Variants in CNTNAP2 observed in about 807,000 individuals in gnomAD.
CNTNAP2 encodes contactin associated protein 2.
Under a neutral mutation model 155.2 loss-of-function variants are expected in CNTNAP2, and 98 were observed. The ratio of observed to expected loss-of-function variants is 0.63; its 90% CI spans 0.54 to 0.75. The LOEUF (loss-of-function observed/expected upper bound fraction) is 0.75, where lower values mean the gene tolerates loss of function less well. CNTNAP2 is among the 30% of genes least tolerant of loss of function. The probability of loss-of-function intolerance (pLI) is 0.00; values close to 1 mark genes in which losing one functional copy is unlikely to be tolerated. For synonymous variants in CNTNAP2, 651 were observed against 631.2 expected (o/e 1.03, Z -0.47); for missense variants, 1,727 against 1,688.1 (o/e 1.02, Z -0.40).
Position 146,883,335 on chromosome 7 carries a change from C to T in CNTNAP2, c.402+43431C>T, listed in dbSNP as rs117317696. Among the ~76,000 whole-genome samples the T allele has an allele frequency of 1.4e-3, 212 of 152,230 alleles. 4 individuals are homozygous for T. In the East Asian group the frequency reaches 0.038, roughly 27 times the overall value. On this transcript the variant is annotated intron_variant, in intron 3 of 23. Transcript: ENST00000361727. ...ATTATATTTAAGCTCCTGGCACATA[C>T]TTCTGATAATTGCATTGCCTTTCTC...
At chr7:146,394,024 A>G (rs1023096473) in intron 1 of CNTNAP2, among the ~76,000 whole-genome samples, 1 of 152,140 alleles carries the variant, frequency 6.6e-6, no homozygotes, top group African/African-American at 2.4e-5. Context: ...AGATCTTTTC[A>G]AAGGCTGCTT....
intron 8 of CNTNAP2, among the ~76,000 whole-genome samples, chr7:147,263,020 T>C (rs1584828498): frequency 6.6e-6 from 1 of 151,956 alleles, no homozygotes; most frequent in Non-Finnish European, 1.5e-5. Context: ...GTCTACAGAG[T>C]AACAAACATA....
chr7:146,862,510 A>T (rs1795123457), intron 3 of CNTNAP2, among the ~76,000 whole-genome samples: 1 of 152,154 alleles, frequency 6.6e-6, no homozygotes, highest in Admixed American at 6.5e-5. Context: ...AAACAAAAAA[A>T]ACGCTAATGA....
rs913274810 is a variant in CNTNAP2 at position 147,601,968 on chromosome 7, T to C, written c.1898-37138T>C. Among the ~76,000 whole-genome samples the C allele has an allele frequency of 3.3e-5, 5 of 152,138 alleles. No homozygotes were observed. The South Asian group carries it at 1.0e-3, about 32-fold the overall frequency. ...TTTCCTACAGTCTTGTTAACTGATA[T>C]CTTCCCAGTGGTATGGTCTAGAGAT... On this transcript the variant is annotated intron_variant, in intron 12 of 23. Coordinates refer to ENST00000361727, the MANE Select transcript of CNTNAP2 (RefSeq NM_014141.6).
In CNTNAP2 at chr7:148,383,268, G is replaced by C. The variant is rs977616575; in HGVS notation, c.3476-381G>C. 2.6e-5 allele frequency among the ~76,000 whole-genome samples: 4 copies of C among 151,612 alleles called. No homozygotes were observed. The South Asian group carries it at 8.4e-4, about 32-fold the overall frequency. On this transcript the variant is annotated intron_variant, in intron 21 of 23. Coordinates refer to ENST00000361727, the MANE Select transcript of CNTNAP2 (RefSeq NM_014141.6). ...AAAACAGAACCATATTTTGCCAGGA[G>C]GGCAGAGCAGGGCTGCTTTGTTCAA...
chr7:148,174,422 C>CT (rs930383078), intron 18 of CNTNAP2, among the ~76,000 whole-genome samples: 1 of 151,976 alleles, frequency 6.6e-6, no homozygotes, highest in East Asian at 1.9e-4. Flanking sequence ...CTGTGACCGC[C>CT]CCCCACCTCA....
At chr7:147,660,883 TG>T (rs1795598664) in intron 13 of CNTNAP2, among the ~76,000 whole-genome samples, 2 of 152,190 alleles carry the variant, frequency 1.3e-5, no homozygotes, top group Non-Finnish European at 2.9e-5. Flanking sequence ...TTGAGGTCTT[TG>T]TTAAGGGAGA....
At chr7:148,399,355 C>T (rs527741433) in intron 22 of CNTNAP2, among the ~76,000 whole-genome samples, 1 of 152,152 alleles carries the variant, frequency 6.6e-6, no homozygotes, top group African/African-American at 2.4e-5. Context: ...TGCCTATAGT[C>T]CCAGCTACAT....
intron 15 of CNTNAP2, among the ~76,000 whole-genome samples, chr7:147,994,282 G>T (rs1217098770): frequency 4.6e-5 from 7 of 151,494 alleles, no homozygotes; most frequent in Non-Finnish European, 1.5e-5. Flanking sequence ...GAGGCAGGAG[G>T]ATCACTGGAG....
At chr7:146,642,421 T>C (rs1183228352) in intron 1 of CNTNAP2, among the ~76,000 whole-genome samples, 1 of 151,098 alleles carries the variant, frequency 6.6e-6, no homozygotes, top group African/African-American at 2.4e-5. Flanking sequence ...TGGTTTTTTG[T>C]TCTTGCGATA....
chr7:148,388,974 G>C (rs1799283509), intron 22 of CNTNAP2, among the ~76,000 whole-genome samples: 1 of 152,012 alleles, frequency 6.6e-6, no homozygotes. Flanking sequence ...GGCTGCTCAG[G>C]GGTCAGGGGT....
At chr7:147,074,778 A>C (rs937040511) in intron 4 of CNTNAP2, among the ~76,000 whole-genome samples, 51 of 152,222 alleles carry the variant, frequency 3.4e-4, no homozygotes, top group African/African-American at 1.2e-3. Flanking sequence ...GTCTTATTTC[A>C]TTTTCAGTAT....
At chr7:148,305,436 C>G (rs1166284670) in intron 21 of CNTNAP2, among the ~76,000 whole-genome samples, 1 of 152,082 alleles carries the variant, frequency 6.6e-6, no homozygotes, top group Admixed American at 6.6e-5. Context: ...GAAACTTCTA[C>G]CCCAGAGCAT....
At chr7:146,455,525 C>G (rs1044063266) in intron 1 of CNTNAP2, among the ~76,000 whole-genome samples, 1 of 152,134 alleles carries the variant, frequency 6.6e-6, no homozygotes, top group Non-Finnish European at 1.5e-5. Flanking sequence ...GGTCAGGCAT[C>G]TGGTTAAGGA....
chr7:146,960,485 C>T (rs1003267000), intron 3 of CNTNAP2, among the ~76,000 whole-genome samples: 1 of 152,056 alleles, frequency 6.6e-6, no homozygotes, highest in Non-Finnish European at 1.5e-5. Context: ...TTACGGAGTT[C>T]ATAGTGGTCA....
chr7:147,413,518 T>A (rs1563195534), intron 10 of CNTNAP2, among the ~76,000 whole-genome samples: 1 of 152,164 alleles, frequency 6.6e-6, no homozygotes, highest in South Asian at 2.1e-4. Context: ...GAGAGAGCAG[T>A]TGGCTGGAGA....
intron 15 of CNTNAP2, among the ~76,000 whole-genome samples, chr7:148,050,016 A>C (rs565945395): frequency 1.2e-4 from 18 of 152,202 alleles, no homozygotes; most frequent in African/African-American, 4.3e-4. Context: ...TACAAAAATT[A>C]GCCAGGCATA....
At chr7:146,209,642 T>G (rs1799003333) in intron 1 of CNTNAP2, among the ~76,000 whole-genome samples, 1 of 152,192 alleles carries the variant, frequency 6.6e-6, no homozygotes, top group African/African-American at 2.4e-5. Context: ...TTTACAAAAG[T>G]CAAATGTAAA....
chr7:147,861,977 A>G (rs1041500425), intron 13 of CNTNAP2, among the ~76,000 whole-genome samples: 20 of 144,164 alleles, frequency 1.4e-4, no homozygotes, highest in Admixed American at 1.2e-3. Context: ...CAACTTGGGC[A>G]ATAGAGTGAA....
Sources: allele counts gnomAD v4.1 joint callset (sites outside exome capture counted in the v4.1 genomes callset), GRCh38; gene constraint gnomAD v4.1.1; transcripts MANE v1.5; gene names NCBI Gene and HGNC (gene_info 2026-07-23, HGNC 2026-07-21).